Variants in ELP4 observed in about 807,000 individuals in gnomAD.
ELP4 encodes the protein elongator complex protein 4.
In ELP4, 51 loss-of-function variants were observed where a neutral mutation model predicts 48.9. The observed-to-expected ratio is 1.04, with a 90% CI of 0.83 to 1.32. The LOEUF is 1.32. Among genes scored for constraint, ELP4 ranks in the 40% most tolerant of loss-of-function variants. ELP4 has a pLI of 0.00. For synonymous variants in ELP4, 210 were observed against 189.2 expected (o/e 1.11, Z -0.90); for missense variants, 519 against 514.6 (o/e 1.01, Z -0.08).
At chr11:31,711,804 A>C (rs1946747957) in intron 9 of ELP4, among the ~76,000 whole-genome samples, 1 of 152,134 alleles carries the variant, frequency 6.6e-6, no homozygotes, top group Admixed American at 6.5e-5. Context: ...TTATTTAAAA[A>C]AATTACCTAA....
intron 9 of ELP4, among the ~76,000 whole-genome samples, chr11:31,656,559 C>T (rs1461882920): frequency 6.6e-6 from 1 of 151,858 alleles, no homozygotes; most frequent in Non-Finnish European, 1.5e-5. Context: ...ATAAATTGAA[C>T]TTAGGGTCTA....
chr11:31,740,935 G>A (rs1275271674), intron 9 of ELP4, among the ~76,000 whole-genome samples: 1 of 152,240 alleles, frequency 6.6e-6, no homozygotes, highest in East Asian at 1.9e-4. Flanking sequence ...CCGAAGCAGG[G>A]CGAGGCATCG....
At chr11:31,710,150 T>TA (rs1946710565) in intron 9 of ELP4, among the ~76,000 whole-genome samples, 1 of 152,250 alleles carries the variant, frequency 6.6e-6, no homozygotes, top group East Asian at 1.9e-4. Flanking sequence ...ACTCAATAAA[T>TA]ATTTGTTGAA....
intron 4 of ELP4, chr11:31,599,344 T>G (rs1957736901): frequency 1.3e-5 from 2 of 152,220 alleles, no homozygotes; most frequent in Non-Finnish European, 1.5e-5. Context: ...TGCTTTTCTT[T>G]GAAATGTCAC....
intron 9 of ELP4, 27 bp downstream of exon 9, chr11:31,650,248 A>G: frequency 1.3e-6 from 1 of 752,382 alleles, no homozygotes. Flanking sequence ...GTTTTAGTTT[A>G]CAATCTTGAG....
intron 3 of ELP4, among the ~76,000 whole-genome samples, chr11:31,572,805 A>C (rs974472565): frequency 2.2e-4 from 34 of 152,076 alleles, no homozygotes; most frequent in Non-Finnish European, 4.6e-4. Flanking sequence ...TTAAGTGACC[A>C]GCATGGGCAA....
chr11:31,730,154 C>A (rs1372843635), intron 9 of ELP4, among the ~76,000 whole-genome samples: 2 of 152,146 alleles, frequency 1.3e-5, no homozygotes, highest in African/African-American at 4.8e-5. Context: ...CTTGCATACT[C>A]CGAGTCAATC....
chr11:31,549,379 T>C (rs1056001972), intron 3 of ELP4, among the ~76,000 whole-genome samples: 1 of 152,136 alleles, frequency 6.6e-6, no homozygotes, highest in Non-Finnish European at 1.5e-5. Context: ...AAAAAACCCA[T>C]GAAAAAATGC....
intron 9 of ELP4, chr11:31,763,609 A>C (rs1331865994): frequency 4.7e-6 from 7 of 1,488,764 alleles, no homozygotes; most frequent in Non-Finnish European, 6.3e-6. Flanking sequence ...TGTTCTCATT[A>C]AGAAGGGAAT....
intron 9 of ELP4, among the ~76,000 whole-genome samples, chr11:31,754,522 T>C (rs1947793958): frequency 6.6e-6 from 1 of 152,046 alleles, no homozygotes; most frequent in Non-Finnish European, 1.5e-5. Flanking sequence ...TTTTTTTAAG[T>C]CTGCTTGAAT....
intron 2 of ELP4, among the ~76,000 whole-genome samples, chr11:31,536,676 T>C (rs1422058130): frequency 6.6e-6 from 1 of 152,182 alleles, no homozygotes; most frequent in Non-Finnish European, 1.5e-5. Flanking sequence ...CTAATGTAGT[T>C]ATAGTGTTTT....
At chr11:31,586,539 A>G (rs1191412289) in intron 3 of ELP4, among the ~76,000 whole-genome samples, 1 of 152,224 alleles carries the variant, frequency 6.6e-6, no homozygotes, top group Admixed American at 6.5e-5. Flanking sequence ...ACAGCAGAGC[A>G]CTGGCCACCT....
chr11:31,568,462 A>G (rs1957146741), intron 3 of ELP4, among the ~76,000 whole-genome samples: 1 of 152,068 alleles, frequency 6.6e-6, no homozygotes, highest in African/African-American at 2.4e-5. Flanking sequence ...GGAACTACAA[A>G]GAGCCCAAAG....
intron 3 of ELP4, among the ~76,000 whole-genome samples, chr11:31,553,915 G>A (rs1313928361): frequency 1.3e-5 from 2 of 152,154 alleles, no homozygotes. Context: ...AGCTTCATCT[G>A]TATTTACAGC....
intron 3 of ELP4, among the ~76,000 whole-genome samples, chr11:31,587,872 T>A (rs1957504785): frequency 6.6e-6 from 1 of 152,112 alleles, no homozygotes; most frequent in South Asian, 2.1e-4. Flanking sequence ...CCACCACTGA[T>A]AATTAACAAA....
At chr11:31,530,253 C>T (rs995829772) in intron 2 of ELP4, among the ~76,000 whole-genome samples, 1 of 152,070 alleles carries the variant, frequency 6.6e-6, no homozygotes, top group Non-Finnish European at 1.5e-5. Context: ...GGAAGCAGCT[C>T]CGGATATCAT....
intron 3 of ELP4, among the ~76,000 whole-genome samples, chr11:31,572,806 G>C (rs1453427833): frequency 6.6e-6 from 1 of 151,990 alleles, no homozygotes; most frequent in African/African-American, 2.4e-5. Context: ...TAAGTGACCA[G>C]CATGGGCAAT....
At chr11:31,570,957 G>A (rs1957184428) in intron 3 of ELP4, among the ~76,000 whole-genome samples, 1 of 150,124 alleles carries the variant, frequency 6.7e-6, no homozygotes, top group Admixed American at 6.7e-5. Flanking sequence ...ACGCCAGCAC[G>A]CCCAGCCAAT....
chr11:31,687,170 A>T (rs1243757505), intron 9 of ELP4, among the ~76,000 whole-genome samples: 1 of 152,198 alleles, frequency 6.6e-6, no homozygotes, highest in Non-Finnish European at 1.5e-5. Context: ...AGTTTGGGAC[A>T]TGTAGAATAG....
Sources: allele counts gnomAD v4.1 joint callset (sites outside exome capture counted in the v4.1 genomes callset), GRCh38; gene constraint gnomAD v4.1.1; transcripts MANE v1.5; gene names NCBI Gene and HGNC (gene_info 2026-07-23, HGNC 2026-07-21).